The following USH2A variants were observed in gnomAD, a reference collection of about 807,000 sequenced individuals.
The protein encoded by USH2A is Usher syndrome 2A (autosomal recessive, mild).
In USH2A, 443 loss-of-function variants were observed where a neutral mutation model predicts 538.9. That is an observed-to-expected ratio of 0.82 (90% CI 0.76 to 0.89). USH2A has a LOEUF of 0.89. USH2A is among the 40% of genes least tolerant of loss of function. The pLI, the probability that USH2A is intolerant of heterozygous loss-of-function variation, is 0.00. For missense variants in USH2A, 6,633 were observed against 6,324.8 expected (o/e 1.05, Z -1.65); for synonymous variants, 2,413 against 2,273.5 (o/e 1.06, Z -1.75).
At chr1:216,353,706 A>G (rs1338725928) in intron 4 of USH2A, among the ~76,000 whole-genome samples, 1 of 152,168 alleles carries the variant, frequency 6.6e-6, no homozygotes, top group East Asian at 1.9e-4. Context: ...AAAAAGGGGT[A>G]TAAATTAGAT....
intron 58 of USH2A, among the ~76,000 whole-genome samples, chr1:215,749,662 C>T (rs549849470): frequency 5.9e-5 from 9 of 152,236 alleles, no homozygotes; most frequent in South Asian, 2.1e-4. Flanking sequence ...GGAAGCCACA[C>T]GACTTGGTTA....
At chr1:215,694,879 A>T (rs553285922) in intron 61 of USH2A, among the ~76,000 whole-genome samples, 4 of 152,340 alleles carry the variant, frequency 2.6e-5, no homozygotes, top group African/African-American at 9.6e-5. Flanking sequence ...TCATCTCAAG[A>T]GAAAAATTCA....
chr1:216,216,899 G>T (rs879744230), intron 15 of USH2A, among the ~76,000 whole-genome samples: 1 of 151,896 alleles, frequency 6.6e-6, no homozygotes, highest in African/African-American at 2.4e-5. Context: ...TTACAATATC[G>T]ATAAACAACT....
chr1:215,834,270 C>T (rs993438972), intron 47 of USH2A, among the ~76,000 whole-genome samples: 3 of 151,998 alleles, frequency 2.0e-5, no homozygotes, highest in Admixed American at 6.6e-5. Flanking sequence ...ATCGTGGTCA[C>T]GGAGAACTGA....
rs377344530 is a variant in USH2A, at chr1:216,421,820, C to A, written c.485+32G>T. The A allele has an allele frequency of 2.0e-5, 33 of 1,613,490 alleles. No individual in the cohort carries two copies. The Middle Eastern group carries it at 4.9e-4, about 24-fold the overall frequency. ...CTTCACTACTACTGGTTTTGGGGAC[C>A]TATGAAAGCTTATACCTACACTACT... On this transcript the variant is annotated intron_variant, in intron 2 of 71. Coordinates refer to ENST00000307340, the MANE Select transcript of USH2A (RefSeq NM_206933.4).
intron 37 of USH2A, among the ~76,000 whole-genome samples, chr1:215,953,677 C>G (rs1666989532): frequency 6.6e-6 from 1 of 151,884 alleles, no homozygotes; most frequent in Admixed American, 6.6e-5. Context: ...TCTAAAACAC[C>G]AAAAGCAATG....
intron 21 of USH2A, among the ~76,000 whole-genome samples, chr1:216,123,367 C>A (rs373989302): frequency 6.9e-4 from 105 of 152,302 alleles, no homozygotes; most frequent in African/African-American, 2.4e-3. Context: ...GCAATCAATG[C>A]ATTTGCTGGT....
At chr1:215,825,653 G>A (rs1163064545) in intron 47 of USH2A, among the ~76,000 whole-genome samples, 1 of 151,590 alleles carries the variant, frequency 6.6e-6, no homozygotes, top group African/African-American at 2.4e-5. Context: ...GTTTACACAG[G>A]CTTTTTTTCT....
chr1:215,965,096 G>C (rs575687923), intron 37 of USH2A, among the ~76,000 whole-genome samples: 3 of 152,044 alleles, frequency 2.0e-5, no homozygotes, highest in Non-Finnish European at 2.9e-5. Context: ...GCTCTACAAC[G>C]TACATTTCTA....
chr1:216,151,955 A>G (rs1406330778), intron 21 of USH2A, among the ~76,000 whole-genome samples: 2 of 152,048 alleles, frequency 1.3e-5, no homozygotes, highest in East Asian at 1.9e-4. Flanking sequence ...ATCCAAAACC[A>G]TATCCAGGCC....
intron 21 of USH2A, among the ~76,000 whole-genome samples, 171 bp from the exon 22 acceptor site, chr1:216,097,384 T>A (rs1323110398): frequency 3.3e-5 from 5 of 152,212 alleles, no homozygotes; most frequent in Non-Finnish European, 7.3e-5. Flanking sequence ...ATATCCCATT[T>A]TAAATGCCAT....
At chr1:216,419,650 T>C (rs2039642266) in intron 2 of USH2A, among the ~76,000 whole-genome samples, 1 of 152,110 alleles carries the variant, frequency 6.6e-6, no homozygotes, top group Admixed American at 6.6e-5. Context: ...ATTTAGATCA[T>C]GAGTATTCTG....
chr1:216,037,077 A>G (rs559821735), intron 32 of USH2A, among the ~76,000 whole-genome samples: 10 of 152,260 alleles, frequency 6.6e-5, no homozygotes, highest in African/African-American at 2.2e-4. Context: ...TAACCATGTC[A>G]ATGCAGTCTT....
chr1:215,817,303 TTATA>T, intron 47 of USH2A, 108 bp from the exon 48 acceptor site: 1 of 463,618 alleles, frequency 2.2e-6, no homozygotes, highest in Non-Finnish European at 3.3e-6. Context: ...ATATATATAA[TTATA>T]TATGTTTATA....
intron 41 of USH2A, among the ~76,000 whole-genome samples, chr1:215,886,897 G>A (rs538107082): frequency 2.5e-4 from 38 of 151,606 alleles, no homozygotes; most frequent in African/African-American, 7.5e-4. Flanking sequence ...TCGCTCTGTC[G>A]CCCAGGCTGG....
At position 215,629,032 on chromosome 1, in the gene USH2A, A is replaced by G. The variant is rs1456575221; in HGVS notation, c.15301T>C (p.Leu5101=). The change falls in exon 71 of 72, where the codon TTA becomes CTA. Residue 5101 remains leucine (L), a synonymous_variant. Coordinates refer to ENST00000307340, the MANE Select transcript of USH2A (RefSeq NM_206933.4). ...GACCGGGGAATTTTGGTATCGGCTA[A>G]CCCCTGAGAAGGAAGTTGCTGTGAG... is the stretch of plus-strand genomic sequence containing the variant. The part of the protein sequence containing the change: ...VYPPGENHMG[L]ADTKIPRSGT... 1 of 1,612,870 alleles carries G rather than the reference A, an allele frequency of 6.2e-7. No homozygotes were observed. The highest frequency in any genetic ancestry group is 1.7e-5 in the Admixed American group (1 of 60,026).
At chr1:216,245,057 GA>G (rs2036010078) in intron 13 of USH2A, among the ~76,000 whole-genome samples, 1 of 152,018 alleles carries the variant, frequency 6.6e-6, no homozygotes, top group African/African-American at 2.4e-5. Context: ...CACTAAAAGA[GA>G]AAAAAACATC....
chr1:216,147,690 A>AT, intron 21 of USH2A, among the ~76,000 whole-genome samples: 1 of 150,582 alleles, frequency 6.6e-6, no homozygotes, highest in African/African-American at 2.4e-5. Context: ...CCATAATAGA[A>AT]AAAAGTTGCA....
chr1:216,421,708 T>C (rs1487700254), intron 2 of USH2A, 144 bp downstream of exon 2: 23 of 1,317,272 alleles, frequency 1.7e-5, no homozygotes, highest in Non-Finnish European at 2.3e-5. Flanking sequence ...AAAATTTTAA[T>C]TGGGGAAACA....
Sources: allele counts gnomAD v4.1 joint callset (sites outside exome capture counted in the v4.1 genomes callset), GRCh38; gene constraint gnomAD v4.1.1; transcripts MANE v1.5; gene names NCBI Gene and HGNC (gene_info 2026-07-23, HGNC 2026-07-21).